The following SPMAP2L variants were observed in gnomAD, a reference collection of about 807,000 sequenced individuals.
SPMAP2L encodes sperm microtubule associated protein 2-like.
At chr4:56,544,970 G>A in the SPMAP2L span, among the ~76,000 whole-genome samples, 1 of 152,224 alleles carries the variant, frequency 6.6e-6, no homozygotes, top group Non-Finnish European at 1.5e-5. Flanking sequence ...GGGCCATCGA[G>A]CCTGTCCTAT....
the SPMAP2L span, among the ~76,000 whole-genome samples, chr4:56,618,948 C>T: frequency 6.6e-6 from 1 of 152,238 alleles, no homozygotes; most frequent in South Asian, 2.1e-4. Context: ...AGCCCTGTAG[C>T]TTATCTGCTT....
chr4:56,609,703 G>C, the SPMAP2L span, among the ~76,000 whole-genome samples: 3 of 152,092 alleles, frequency 2.0e-5, no homozygotes, highest in Non-Finnish European at 2.9e-5. Context: ...CTCATCAGCG[G>C]GATTAGTGTC....
the SPMAP2L span, among the ~76,000 whole-genome samples, chr4:56,625,071 CA>C: frequency 6.6e-6 from 1 of 152,208 alleles, no homozygotes; most frequent in Non-Finnish European, 1.5e-5. Flanking sequence ...TGCTCAAGAC[CA>C]TGGGAACCCA....
the SPMAP2L span, among the ~76,000 whole-genome samples, chr4:56,615,314 G>GCTTCTT: frequency 6.6e-6 from 1 of 152,212 alleles, no homozygotes; most frequent in Non-Finnish European, 1.5e-5. Context: ...GGCTAGAGAG[G>GCTTCTT]TAGTAAACTG....
At chr4:56,602,084 G>A in the SPMAP2L span, among the ~76,000 whole-genome samples, 1 of 152,066 alleles carries the variant, frequency 6.6e-6, no homozygotes, top group East Asian at 1.9e-4. Context: ...TACGTGTATG[G>A]CCTAATTCAA....
chr4:56,624,340 A>G, the SPMAP2L span, among the ~76,000 whole-genome samples: 2 of 152,210 alleles, frequency 1.3e-5, no homozygotes, highest in African/African-American at 4.8e-5. Flanking sequence ...GGTTTCAAAA[A>G]TTTGCAGCCT....
the SPMAP2L span, chr4:56,595,080 T>G: frequency 1.2e-6 from 2 of 1,610,920 alleles, no homozygotes; most frequent in South Asian, 2.2e-5. Flanking sequence ...GGGGCTCCAG[T>G]TCCATCTTGC....
At chr4:56,617,309 C>T in the SPMAP2L span, among the ~76,000 whole-genome samples, 1 of 152,146 alleles carries the variant, frequency 6.6e-6, no homozygotes, top group African/African-American at 2.4e-5. Context: ...ATATTATAAT[C>T]TAATGGGACC....
At chr4:56,557,978 T>C in the SPMAP2L span, 18 of 152,354 alleles carry the variant, frequency 1.2e-4, no homozygotes, top group East Asian at 3.5e-3. Flanking sequence ...TTCTTTTTTT[T>C]TTCTTTTTGA....
the SPMAP2L span, among the ~76,000 whole-genome samples, chr4:56,613,389 G>C: frequency 6.6e-6 from 1 of 152,156 alleles, no homozygotes; most frequent in East Asian, 1.9e-4. Context: ...ATCAGGCTGG[G>C]TATGGAGAAA....
chr4:56,531,111 G>C, the SPMAP2L span: 3 of 1,535,458 alleles, frequency 2.0e-6, no homozygotes, highest in East Asian at 7.3e-5. Flanking sequence ...CCGCAGTAAT[G>C]ATCTCCCCCT....
chr4:56,564,420 G>A, the SPMAP2L span, among the ~76,000 whole-genome samples: 2 of 152,144 alleles, frequency 1.3e-5, no homozygotes, highest in Admixed American at 6.5e-5. Context: ...GATTACAAGC[G>A]TGAGCCACTG....
the SPMAP2L span, among the ~76,000 whole-genome samples, chr4:56,592,447 T>C: frequency 4.8e-3 from 727 of 152,360 alleles, 3 homozygotes; most frequent in African/African-American, 0.017. Flanking sequence ...CTTGAAAAGC[T>C]ACGTTGGGGA....
chr4:56,595,426 A>G, the SPMAP2L span: 1 of 1,607,212 alleles, frequency 6.2e-7, no homozygotes, highest in African/African-American at 1.3e-5. Flanking sequence ...TGATGCCATG[A>G]TCAGCATTCG....
chr4:56,591,730 A>G, the SPMAP2L span, among the ~76,000 whole-genome samples: 1 of 152,216 alleles, frequency 6.6e-6, no homozygotes, highest in Non-Finnish European at 1.5e-5. Context: ...CAAGTAATTT[A>G]AATAGAAGAC....
chr4:56,553,499 T>C, the SPMAP2L span, among the ~76,000 whole-genome samples: 1 of 20,336 alleles, frequency 4.9e-5, no homozygotes, highest in Admixed American at 4.6e-4. Flanking sequence ...GTCCTATTGC[T>C]TTTTTTTTTT....
chr4:56,562,019 T>C, the SPMAP2L span, among the ~76,000 whole-genome samples: 145,163 of 152,246 alleles, frequency 0.95, 69,292 homozygotes, highest in Middle Eastern at 0.97. Context: ...CCACCGCGCC[T>C]GGCCTGGGAA....
the SPMAP2L span, among the ~76,000 whole-genome samples, chr4:56,554,444 A>G: frequency 3.3e-5 from 5 of 152,040 alleles, no homozygotes; most frequent in African/African-American, 1.2e-4. Context: ...TGTTGAGCAT[A>G]TTTGCTTATT....
the SPMAP2L span, among the ~76,000 whole-genome samples, chr4:56,607,562 C>A: frequency 6.6e-6 from 1 of 152,238 alleles, no homozygotes; most frequent in African/African-American, 2.4e-5. Flanking sequence ...GAGGAGCAGG[C>A]TAGAAAAAGC....
Sources: gnomAD v4.1 joint callset for allele counts (sites outside exome capture counted in the v4.1 genomes callset) on GRCh38, gnomAD v4.1.1 for gene constraint, MANE v1.5 for transcripts, NCBI Gene and HGNC (gene_info 2026-07-23, HGNC 2026-07-21) for gene names.